The following RABEP1 variants were observed in gnomAD, a reference collection of about 807,000 sequenced individuals.
RABEP1 encodes the protein rabaptin, RAB GTPase binding effector protein 1, also known as rab GTPase-binding effector protein 1.
A neutral mutation model predicts 123.4 loss-of-function variants in RABEP1; 51 were observed. The ratio of observed to expected loss-of-function variants is 0.41; its 90% CI spans 0.33 to 0.52. RABEP1 has a LOEUF of 0.52. Ranked by LOEUF, RABEP1 falls within the 20% of genes least tolerant of loss-of-function variation. RABEP1 has a pLI of 0.16. For synonymous variants in RABEP1, 347 were observed against 355.2 expected (o/e 0.98, Z 0.26); for missense variants, 888 against 996.3 (o/e 0.89, Z 1.46).
At chr17:5,376,208 C>T (rs1910979493) in intron 13 of RABEP1, among the ~76,000 whole-genome samples, 1 of 152,180 alleles carries the variant, frequency 6.6e-6, no homozygotes, top group African/African-American at 2.4e-5. Context: ...GTAATCCCAG[C>T]ACATTGGGAG....
intron 12 of RABEP1, among the ~76,000 whole-genome samples, chr17:5,370,243 G>A (rs775035741): frequency 1.3e-5 from 2 of 152,266 alleles, no homozygotes; most frequent in African/African-American, 2.4e-5. Context: ...GTGTGTGTAC[G>A]TATGTCTTGG....
chr17:5,380,105 T>C (rs1211495710), intron 15 of RABEP1, among the ~76,000 whole-genome samples: 1 of 152,244 alleles, frequency 6.6e-6, no homozygotes, highest in Non-Finnish European at 1.5e-5. Flanking sequence ...AAATGCTTCT[T>C]TCTTCATCCT....
At chr17:5,315,049 A>G (rs1444245748) in intron 2 of RABEP1, among the ~76,000 whole-genome samples, 2 of 152,224 alleles carry the variant, frequency 1.3e-5, no homozygotes, top group African/African-American at 2.4e-5. Context: ...ACCAGAGGAC[A>G]CTGAAATTTT....
intron 1 of RABEP1, among the ~76,000 whole-genome samples, chr17:5,299,379 G>GT (rs796302510): frequency 4.1e-3 from 563 of 135,778 alleles, no homozygotes; most frequent in South Asian, 8.4e-3. Flanking sequence ...TGTGTAGCAG[G>GT]TTTTTTTTTT....
chr17:5,368,561 C>T, intron 12 of RABEP1, 93 bp downstream of exon 12: 2 of 895,766 alleles, frequency 2.2e-6, no homozygotes, highest in South Asian at 3.0e-5. Flanking sequence ...ATTTATCATC[C>T]TGTCCAAAGT....
chr17:5,296,281 A>G (rs1814695), intron 1 of RABEP1, among the ~76,000 whole-genome samples: 151,847 of 152,316 alleles, frequency 1, 75,691 homozygotes, highest in East Asian at 1. Context: ...TTGTTTGTTT[A>G]AGGCAGAGTT....
At chr17:5,358,883 C>G (rs890736145) in intron 8 of RABEP1, among the ~76,000 whole-genome samples, 4 of 152,110 alleles carry the variant, frequency 2.6e-5, no homozygotes, top group Admixed American at 2.6e-4. Context: ...GCCTCAGCCT[C>G]CTGAGTAGCT....
At chr17:5,307,502 C>A (rs1303031087) in intron 1 of RABEP1, among the ~76,000 whole-genome samples, 1 of 152,208 alleles carries the variant, frequency 6.6e-6, no homozygotes, top group Non-Finnish European at 1.5e-5. Flanking sequence ...GGCAAATCAT[C>A]ATTATCTGGA....
At chr17:5,340,729 C>T (rs1012450555) in intron 5 of RABEP1, among the ~76,000 whole-genome samples, 6 of 150,868 alleles carry the variant, frequency 4.0e-5, no homozygotes, top group East Asian at 2.0e-4. Context: ...GGTGGATCGC[C>T]TGAGGTCAGG....
chr17:5,377,868 T>G (rs1911130375), intron 14 of RABEP1, among the ~76,000 whole-genome samples: 1 of 152,138 alleles, frequency 6.6e-6, no homozygotes, highest in Non-Finnish European at 1.5e-5. Flanking sequence ...CTTTGGCAAT[T>G]ATTCATAGAT....
At chr17:5,312,559 G>A (rs2075254840) in intron 2 of RABEP1, among the ~76,000 whole-genome samples, 1 of 152,162 alleles carries the variant, frequency 6.6e-6, no homozygotes, top group South Asian at 2.1e-4. Context: ...AAGGATTACT[G>A]ACTGTGGTAT....
At chr17:5,379,636 C>A (rs984209821) in intron 15 of RABEP1, among the ~76,000 whole-genome samples, 1 of 152,158 alleles carries the variant, frequency 6.6e-6, no homozygotes, top group African/African-American at 2.4e-5. Context: ...CTCATCCTTT[C>A]CATTCTAGCT....
chr17:5,288,317 G>T, intron 1 of RABEP1, among the ~76,000 whole-genome samples: 1 of 152,060 alleles, frequency 6.6e-6, no homozygotes, highest in East Asian at 1.9e-4. Context: ...CTGGCCTGAG[G>T]GGTCTTTTTC....
intron 2 of RABEP1, among the ~76,000 whole-genome samples, chr17:5,323,743 T>TATATATATATATCTAGGA: frequency 7.7e-6 from 1 of 129,362 alleles, no homozygotes; most frequent in Admixed American, 8.8e-5. Context: ...TATCTAGGAA[T>TATATATATATATCTAGGA]ATATATATAT....
intron 6 of RABEP1, among the ~76,000 whole-genome samples, chr17:5,348,621 C>T (rs758190535): frequency 2.6e-5 from 4 of 151,632 alleles, no homozygotes; most frequent in African/African-American, 9.7e-5. Context: ...AGTGCAGTGG[C>T]GCGATCTCGG....
At chr17:5,367,895 C>T (rs2309383) in intron 11 of RABEP1, among the ~76,000 whole-genome samples, 75,960 of 149,976 alleles carry the variant, frequency 0.51, 20,805 homozygotes, top group East Asian at 0.9. Context: ...AGCTGGAATA[C>T]AGGTGCCCGC....
At chr17:5,343,216 C>T (rs147335986) in intron 5 of RABEP1, among the ~76,000 whole-genome samples, 38 of 152,272 alleles carry the variant, frequency 2.5e-4, no homozygotes, top group African/African-American at 7.9e-4. Flanking sequence ...CGCACCATTG[C>T]ACTCCAGCCT....
Position 5,336,941 on chromosome 17 carries a change from G to A in RABEP1, c.529-1078G>A, listed in dbSNP as rs545395494. Among the ~76,000 whole-genome samples the A allele has an allele frequency of 2.0e-5, 3 of 152,208 alleles. No individual in the cohort carries two copies. The East Asian group carries it at 5.8e-4, about 29-fold the overall frequency. ...GGCATTTATGATATTTTTCCCTATCGTGCACAACTTAGTATAACTTTGCAC... is the reference window on the plus strand; with the variant it reads ...GGCATTTATGATATTTTTCCCTATCATGCACAACTTAGTATAACTTTGCAC... On this transcript the variant is annotated intron_variant, in intron 4 of 17. Transcript: ENST00000537505.
At chr17:5,331,804 A>G (rs1906570275) in intron 2 of RABEP1, 145 bp from the exon 3 acceptor site, 2 of 685,568 alleles carry the variant, frequency 2.9e-6, no homozygotes, top group Admixed American at 5.8e-5. Context: ...GATTTGTGAT[A>G]CCCAGCTTAC....
Sources: allele counts gnomAD v4.1 joint callset (sites outside exome capture counted in the v4.1 genomes callset), GRCh38; gene constraint gnomAD v4.1.1; transcripts MANE v1.5; gene names NCBI Gene and HGNC (gene_info 2026-07-23, HGNC 2026-07-21).